The following PRDM6 variants were observed in gnomAD, a reference collection of about 807,000 sequenced individuals.
PRDM6 encodes the protein putative histone-lysine N-methyltransferase PRDM6.
PRDM6 carries 25 observed loss-of-function variants against 60.8 expected under a neutral mutation model. The observed-to-expected ratio is 0.41, with a 90% CI of 0.30 to 0.57. The LOEUF is 0.57. PRDM6 is among the 20% of genes least tolerant of loss of function. The pLI, the probability that PRDM6 is intolerant of heterozygous loss-of-function variation, is 0.27. For synonymous variants in PRDM6, 407 were observed against 357.4 expected, an observed-to-expected ratio of 1.14 and a Z score of -1.57; for missense variants, 839 against 821.3, an observed-to-expected ratio of 1.02 and a Z score of -0.26.
chr5:123,177,559 A>G (rs1421737928), intron 6 of PRDM6, among the ~76,000 whole-genome samples: 1 of 152,196 alleles, frequency 6.6e-6, no homozygotes, highest in African/African-American at 2.4e-5. Context: ...CTTACTCTGA[A>G]TTCTCAACTT....
At chr5:123,180,106 C>T (rs754575646) in intron 6 of PRDM6, 41 bp from the exon 7 acceptor site, 147 of 1,488,168 alleles carry the variant, frequency 9.9e-5, no homozygotes, top group Middle Eastern at 3.7e-4. Context: ...CACTGACCAA[C>T]GCAGAAAACA....
At chr5:123,145,073 C>T (rs1037831561) in intron 3 of PRDM6, among the ~76,000 whole-genome samples, 8 of 152,208 alleles carry the variant, frequency 5.3e-5, no homozygotes, top group South Asian at 2.1e-4. Context: ...TATCCTTGCC[C>T]TCATTGAGGT....
chr5:123,169,204 T>C (rs149916467), intron 5 of PRDM6, among the ~76,000 whole-genome samples: 2 of 152,336 alleles, frequency 1.3e-5, no homozygotes, highest in Admixed American at 1.3e-4. Context: ...TCCATAGATA[T>C]AGTAGTTAAA....
At chr5:123,092,891 G>C (rs1763874690) in intron 2 of PRDM6, among the ~76,000 whole-genome samples, 2 of 152,198 alleles carry the variant, frequency 1.3e-5, no homozygotes, top group Non-Finnish European at 2.9e-5. Flanking sequence ...TTACAAAGAT[G>C]AAACGTGATT....
At chr5:123,097,722 G>C (rs1390156309) in intron 2 of PRDM6, among the ~76,000 whole-genome samples, 1 of 152,216 alleles carries the variant, frequency 6.6e-6, no homozygotes, top group Non-Finnish European at 1.5e-5. Flanking sequence ...CTCCCATCCA[G>C]GCCCTGGGGT....
intron 3 of PRDM6, among the ~76,000 whole-genome samples, chr5:123,124,529 G>A (rs1764651345): frequency 6.6e-6 from 1 of 152,184 alleles, no homozygotes; most frequent in Non-Finnish European, 1.5e-5. Context: ...ACTTAGCACT[G>A]GCATTAAATG....
chr5:123,155,837 T>C lies in PRDM6; in HGVS notation c.901-47T>C, dbSNP rs1765482309. 3.3e-6 allele frequency: 5 copies of C among 1,536,484 alleles called. No individual in the cohort carries two copies. The Admixed American group carries it at 1.0e-4, about 31-fold the overall frequency. On this transcript the variant is annotated intron_variant, in intron 3 of 7. Coordinates refer to ENST00000407847, the MANE Select transcript of PRDM6 (RefSeq NM_001136239.4). ...CACCAAGGGAAGTAGGGAAAATGAT[T>C]GCTGATGATTCGTTCTAACTACTTG... is the stretch of plus-strand genomic sequence containing the variant.
At chr5:123,168,300 A>G (rs1765805217) in intron 5 of PRDM6, among the ~76,000 whole-genome samples, 1 of 152,240 alleles carries the variant, frequency 6.6e-6, no homozygotes, top group South Asian at 2.1e-4. Context: ...ATTTATGTAT[A>G]TAATACACAC....
chr5:123,177,269 G>A (rs1023376935), intron 6 of PRDM6, among the ~76,000 whole-genome samples: 4 of 151,996 alleles, frequency 2.6e-5, no homozygotes, highest in African/African-American at 9.7e-5. Flanking sequence ...CAAGAAAAGG[G>A]GGTTTAAAGG....
chr5:123,089,353 C>A lies in PRDM6; in HGVS notation c.-182C>A, dbSNP rs990772906. ...GCACTCTCGCGCCCTCCGCGGGCCT[C>A]CCAATTTTCTCGCTTGCAGGTCGGG... On this transcript the variant is annotated 5_prime_UTR_variant, in exon 1 of 8. Transcript: ENST00000407847. 1 of 152,914 alleles carries A rather than the reference C, an allele frequency of 6.5e-6. No homozygotes were observed. The highest frequency in any genetic ancestry group is 6.5e-5 in the Admixed American group (1 of 15,306). 9.5% of individuals were successfully genotyped at this position (152,914 alleles called of 1,614,324 possible). A position where few individuals can be genotyped will look rare whatever the true frequency, so the allele number is the denominator to read the frequency against.
chr5:123,183,279 C>T (rs558057776), intron 7 of PRDM6, among the ~76,000 whole-genome samples: 6 of 152,300 alleles, frequency 3.9e-5, no homozygotes, highest in African/African-American at 1.4e-4. Context: ...TTGTCCCACC[C>T]ATCCAGGGCT....
At chr5:123,132,223 T>C (rs866301137) in intron 3 of PRDM6, among the ~76,000 whole-genome samples, 1 of 152,178 alleles carries the variant, frequency 6.6e-6, no homozygotes, top group African/African-American at 2.4e-5. Flanking sequence ...TTCTATATTG[T>C]AGTATTTTCA....
chr5:123,105,982 T>TG (rs1764190532), intron 3 of PRDM6, among the ~76,000 whole-genome samples: 1 of 152,238 alleles, frequency 6.6e-6, no homozygotes, highest in Non-Finnish European at 1.5e-5. Flanking sequence ...AACCCTGATT[T>TG]ACTCACTGTA....
chr5:123,123,761 A>C (rs1362589272), intron 3 of PRDM6, among the ~76,000 whole-genome samples: 1 of 151,890 alleles, frequency 6.6e-6, no homozygotes, highest in Non-Finnish European at 1.5e-5. Context: ...TTTGATACAA[A>C]CCCTTAGATG....
intron 3 of PRDM6, among the ~76,000 whole-genome samples, chr5:123,127,538 A>G (rs1561833361): frequency 1.3e-5 from 2 of 152,162 alleles, no homozygotes; most frequent in Non-Finnish European, 2.9e-5. Context: ...AAATTTAAGC[A>G]TTGTTAGTTG....
chr5:123,114,535 T>C (rs1764390559), intron 3 of PRDM6, among the ~76,000 whole-genome samples: 1 of 152,250 alleles, frequency 6.6e-6, no homozygotes, highest in Non-Finnish European at 1.5e-5. Context: ...GTAGCCTCAG[T>C]CAGTTTGGTA....
In PRDM6 at chr5:123,099,318, CAG is replaced by C. The variant is rs1764042674; in HGVS notation, c.593-330_593-329del. ...AGAGACAGAGACAGAGGGAGAGATG[CAG>C]AGAGACTGAAACGGGAGGAAGAAGC... On this transcript the variant is annotated intron_variant, in intron 2 of 7. Coordinates refer to ENST00000407847, the MANE Select transcript of PRDM6 (RefSeq NM_001136239.4). The surrounding 1 kb of genome is among the most constrained non-coding windows in gnomAD (Gnocchi z 4.0). Among the ~76,000 whole-genome samples, 1 of 152,104 alleles carries C rather than the reference CAG, an allele frequency of 6.6e-6. No individual in the cohort carries two copies. The highest frequency in any genetic ancestry group is 1.5e-5 in the Non-Finnish European group (1 of 68,016).
intron 2 of PRDM6, among the ~76,000 whole-genome samples, chr5:123,096,190 G>A (rs1354836746): frequency 4.8e-3 from 1 of 208 alleles, no homozygotes; most frequent in Non-Finnish European, 0.013. Context: ...CTGATTTTAA[G>A]AGAAAGTATG....
intron 7 of PRDM6, among the ~76,000 whole-genome samples, chr5:123,185,072 T>C (rs1350531419): frequency 6.6e-6 from 1 of 152,198 alleles, no homozygotes; most frequent in Non-Finnish European, 1.5e-5. Flanking sequence ...GCAGTGCATT[T>C]AGGCAAACAC....
Sources: allele counts gnomAD v4.1 joint callset (sites outside exome capture counted in the v4.1 genomes callset), GRCh38; gene constraint gnomAD v4.1.1; non-coding constraint Gnocchi (gnomAD v3.1); transcripts MANE v1.5; gene names NCBI Gene and HGNC (gene_info 2026-07-23, HGNC 2026-07-21).